GAS7: variants seen among roughly 807,000 people sequenced by gnomAD.
GAS7 encodes the protein growth arrest specific 7.
Under a neutral mutation model 71.1 loss-of-function variants are expected in GAS7, and 28 were observed. That is an observed-to-expected ratio of 0.39 (90% CI 0.29 to 0.54). The LOEUF (loss-of-function observed/expected upper bound fraction) is 0.54. Among genes scored for constraint, GAS7 ranks in the 20% least tolerant of loss-of-function variants. The probability of loss-of-function intolerance (pLI) is 0.62; values close to 1 mark genes in which losing one functional copy is unlikely to be tolerated. For missense variants in GAS7, 436 were observed against 627.8 expected (o/e 0.69, Z 3.27); for synonymous variants, 258 against 245.8 (o/e 1.05, Z -0.46).
intron 1 of GAS7, chr17:10,036,805 G>A (rs1567561511): frequency 5.9e-6 from 6 of 1,012,190 alleles, no homozygotes; most frequent in Admixed American, 4.8e-5. Flanking sequence ...GCTAAAAAAC[G>A]TTGGCTGAGG....
intron 1 of GAS7, among the ~76,000 whole-genome samples, chr17:10,148,836 G>C (rs1208009975): frequency 6.6e-6 from 1 of 151,462 alleles, no homozygotes; most frequent in Non-Finnish European, 1.5e-5. Flanking sequence ...CATGAACCTG[G>C]GAGGCGGAGC....
intron 1 of GAS7, among the ~76,000 whole-genome samples, chr17:10,062,374 A>G (rs1416366508): frequency 6.6e-6 from 1 of 152,122 alleles, no homozygotes; most frequent in African/African-American, 2.4e-5. Context: ...AATCTCGACA[A>G]CTCAGGAGGC....
chr17:10,064,855 A>C (rs926627373), intron 1 of GAS7, among the ~76,000 whole-genome samples: 2 of 152,082 alleles, frequency 1.3e-5, no homozygotes, highest in Non-Finnish European at 2.9e-5. Flanking sequence ...TTTTCACTGG[A>C]TCTCGCTCTG....
At chr17:10,038,703 T>TC (rs2072805700) in intron 1 of GAS7, among the ~76,000 whole-genome samples, 1 of 150,176 alleles carries the variant, frequency 6.7e-6, no homozygotes, top group Non-Finnish European at 1.5e-5. Context: ...GAATTTTTTT[T>TC]TTTTTTTTTT....
chr17:10,165,063 T>C (rs913812512), intron 1 of GAS7, among the ~76,000 whole-genome samples: 2 of 148,418 alleles, frequency 1.3e-5, no homozygotes, highest in African/African-American at 5.0e-5. Context: ...GGCAGGCGGA[T>C]CACAAGGTCA....
chr17:10,036,412 G>A lies in GAS7; in HGVS notation c.184-16515C>T, dbSNP rs369099148. On this transcript the variant is annotated intron_variant, in intron 1 of 13. Coordinates refer to ENST00000432992, the MANE Select transcript of GAS7 (RefSeq NM_201433.2). ...AAGCAAACTGGAGCATACATCTGCA[G>A]GCAAGAAAAATCAATTCTTACCATC... The A allele has an allele frequency of 5.8e-5, 92 of 1,583,846 alleles. No individual in the cohort carries two copies. The African/African-American group carries it at 1.2e-3, about 20-fold the overall frequency.
chr17:10,130,329 T>TAA (rs35108339), intron 1 of GAS7, among the ~76,000 whole-genome samples: 138 of 127,428 alleles, frequency 1.1e-3, no homozygotes, highest in African/African-American at 3.5e-3. Context: ...AGCTATGATT[T>TAA]AAAAAAAAAA....
At position 10,047,904 on chromosome 17, in the gene GAS7, T is replaced by C. The variant is rs74453579; in HGVS notation, c.184-28007A>G. On this transcript the variant is annotated intron_variant, in intron 1 of 13. Transcript: ENST00000432992. ...TCTATGTAACATATATGTTTAAAAATATTCCATTATTAAAGACCAGAATAG... is the reference window on the plus strand; with the variant it reads ...TCTATGTAACATATATGTTTAAAAACATTCCATTATTAAAGACCAGAATAG... Among the ~76,000 whole-genome samples, 806 of 152,316 alleles carry C rather than the reference T, an allele frequency of 5.3e-3. 23 individuals are homozygous for C. In the East Asian group the frequency reaches 0.1, roughly 19 times the overall value.
chr17:9,956,545 C>T (rs572364047), intron 5 of GAS7, among the ~76,000 whole-genome samples: 1 of 152,134 alleles, frequency 6.6e-6, no homozygotes, highest in South Asian at 2.1e-4. Flanking sequence ...CCATGAGCAC[C>T]CGTCACTCCC....
chr17:10,194,770 G>A (rs1335633568), intron 1 of GAS7, among the ~76,000 whole-genome samples: 5 of 147,832 alleles, frequency 3.4e-5, no homozygotes, highest in East Asian at 2.0e-4. Context: ...TGAGGAGATC[G>A]AGACCATGCT....
chr17:10,020,202 C>T lies in GAS7; in HGVS notation c.184-305G>A, dbSNP rs1031567170. ...CCACGGCCCCCTAGAAAATCACTCACGGGGTGCTGAGCTTGCAAGGGGGCC... is the reference window on the plus strand; with the variant it reads ...CCACGGCCCCCTAGAAAATCACTCATGGGGTGCTGAGCTTGCAAGGGGGCC... On this transcript the variant is annotated intron_variant, in intron 1 of 13. Coordinates refer to ENST00000432992, the MANE Select transcript of GAS7 (RefSeq NM_201433.2). 7.0e-5 allele frequency: 19 copies of T among 270,714 alleles called. No homozygotes were observed. The Admixed American group carries it at 8.1e-4, about 11-fold the overall frequency. 16.8% of individuals were successfully genotyped at this position (270,714 alleles called of 1,614,324 possible). A position where few individuals can be genotyped will look rare whatever the true frequency, so the allele number is the denominator to read the frequency against.
intron 4 of GAS7, among the ~76,000 whole-genome samples, chr17:9,962,264 ACAC>A (rs1187931145): frequency 1.3e-5 from 2 of 151,874 alleles, no homozygotes; most frequent in East Asian, 3.9e-4. Context: ...ACACACACAC[ACAC>A]GTGACACACA....
intron 1 of GAS7, among the ~76,000 whole-genome samples, chr17:10,063,864 G>T (rs947742894): frequency 6.6e-6 from 1 of 152,126 alleles, no homozygotes; most frequent in Non-Finnish European, 1.5e-5. Context: ...CGGGTGGTGA[G>T]GGGGGCAGAG....
chr17:10,122,508 G>A (rs1079841), intron 1 of GAS7, among the ~76,000 whole-genome samples: 50,931 of 152,062 alleles, frequency 0.33, 8,838 homozygotes, highest in African/African-American at 0.38. Context: ...CTCCCTAGCA[G>A]AAGGAGCCTC....
intron 1 of GAS7, among the ~76,000 whole-genome samples, chr17:10,063,334 C>T (rs761181206): frequency 3.9e-5 from 6 of 152,184 alleles, no homozygotes; most frequent in South Asian, 2.1e-4. Flanking sequence ...CTCACAAAGA[C>T]GTCCCCATGT....
intron 1 of GAS7, among the ~76,000 whole-genome samples, chr17:10,053,977 C>T (rs1237956803): frequency 2.0e-5 from 3 of 152,180 alleles, no homozygotes; most frequent in Admixed American, 1.3e-4. Flanking sequence ...GGGTACCATC[C>T]AACTATCTGA....
At chr17:10,063,292 GTGTC>G (rs2073240551) in intron 1 of GAS7, among the ~76,000 whole-genome samples, 1 of 152,240 alleles carries the variant, frequency 6.6e-6, no homozygotes, top group South Asian at 2.1e-4. Context: ...ACGCGTTTGT[GTGTC>G]TGTGTGTGTG....
intron 1 of GAS7, among the ~76,000 whole-genome samples, chr17:10,057,998 T>C (rs948772508): frequency 6.6e-6 from 1 of 152,204 alleles, no homozygotes; most frequent in Non-Finnish European, 1.5e-5. Flanking sequence ...CAGGGTTAAA[T>C]GGATTAAGGG....
chr17:10,022,427 T>C (rs904481558), intron 1 of GAS7, among the ~76,000 whole-genome samples: 3 of 151,760 alleles, frequency 2.0e-5, no homozygotes, highest in Non-Finnish European at 4.4e-5. Context: ...TGGGAGGAAA[T>C]AGGAAGGATC....
Sources: gnomAD v4.1 joint callset for allele counts (sites outside exome capture counted in the v4.1 genomes callset) on GRCh38, gnomAD v4.1.1 for gene constraint, MANE v1.5 for transcripts, NCBI Gene and HGNC (gene_info 2026-07-23, HGNC 2026-07-21) for gene names.